EFHC2: variants seen among roughly 807,000 people sequenced by gnomAD.
EFHC2 encodes the protein EF-hand domain-containing family member C2.
Under a neutral mutation model 52.7 loss-of-function variants are expected in EFHC2, and 18 were observed. The ratio of observed to expected loss-of-function variants is 0.34; its 90% CI spans 0.24 to 0.51. The LOEUF (loss-of-function observed/expected upper bound fraction) is 0.51, where lower values mean the gene tolerates loss of function less well. Among genes scored for constraint, EFHC2 ranks in the 20% least tolerant of loss-of-function variants. The pLI is 0.97. For missense variants in EFHC2, 513 were observed against 562.5 expected (o/e 0.91, Z 0.89); for synonymous variants, 203 against 204.1 (o/e 0.99, Z 0.04).
At chrX:44,310,247 A>AGGGTCTCCTCTCAGCAGCGGCTC in intron 2 of EFHC2, 1 of 947,536 alleles carries the variant, frequency 1.1e-6, no homozygotes, top group Non-Finnish European at 1.5e-6. Context: ...CAAAGCGGCA[A>AGGGTCTCCTCTCAGCAGCGGCTC]GGGTTTCCTC....
intron 7 of EFHC2, 112 bp downstream of exon 7, chrX:44,248,160 A>G (rs902048026): frequency 3.1e-5 from 20 of 639,571 alleles, no homozygotes; most frequent in African/African-American, 2.7e-4. Context: ...CAAATGCACA[A>G]TAAGTGGTAG....
chrX:44,155,611 T>C (rs756018761), intron 14 of EFHC2, among the ~76,000 whole-genome samples: 213 of 112,102 alleles, frequency 1.9e-3, no homozygotes, highest in Non-Finnish European at 3.0e-3. Flanking sequence ...GATAGAGTCA[T>C]GTTGGTGATT....
intron 13 of EFHC2, among the ~76,000 whole-genome samples, chrX:44,165,872 T>C (rs959604703): frequency 5.4e-5 from 6 of 111,092 alleles, no homozygotes; most frequent in Non-Finnish European, 1.1e-4. Flanking sequence ...CTTATATTAA[T>C]TAAAGAGACC....
intron 2 of EFHC2, among the ~76,000 whole-genome samples, chrX:44,308,787 A>G (rs1280594050): frequency 8.9e-6 from 1 of 112,873 alleles, no homozygotes; most frequent in Non-Finnish European, 1.9e-5. Flanking sequence ...AGTCTACACA[A>G]GTTTAACTTA....
intron 2 of EFHC2, among the ~76,000 whole-genome samples, chrX:44,298,064 T>C (rs767453980): frequency 2.8e-4 from 31 of 109,823 alleles, no homozygotes; most frequent in Non-Finnish European, 4.6e-4. Context: ...TGGGACAACA[T>C]TGAAAAAAGA....
In EFHC2 at chrX:44,259,240, C is replaced by G. The variant is rs1198672333; in HGVS notation, c.606+1835G>C. Reference sequence around the variant, plus strand: ...TCATTAAAAAGGATGAGTTCATGTCCTTTGCAGGGACATGGATGAAGTTGG... The same window carrying G: ...TCATTAAAAAGGATGAGTTCATGTCGTTTGCAGGGACATGGATGAAGTTGG... On this transcript the variant is annotated intron_variant, in intron 4 of 14. Coordinates refer to ENST00000420999, the MANE Select transcript of EFHC2 (RefSeq NM_025184.4). Among the ~76,000 whole-genome samples, 4 of 111,859 alleles carry G rather than the reference C, an allele frequency of 3.6e-5. No individual in the cohort carries two copies. The Admixed American group carries it at 3.8e-4, about 11-fold the overall frequency.
chrX:44,205,943 C>T (rs890918683), intron 11 of EFHC2, among the ~76,000 whole-genome samples: 1 of 111,643 alleles, frequency 9.0e-6, no homozygotes, highest in Non-Finnish European at 1.9e-5. Context: ...CTCATCTGCA[C>T]ATGGAATAGT....
chrX:44,247,571 A>C (rs1211049443), intron 7 of EFHC2, among the ~76,000 whole-genome samples: 1 of 111,360 alleles, frequency 9.0e-6, no homozygotes, highest in African/African-American at 3.3e-5. Context: ...AGGGGAGTTT[A>C]ACAAATGAGG....
chrX:44,260,709 G>T (rs1196227587), intron 4 of EFHC2, among the ~76,000 whole-genome samples: 1 of 111,992 alleles, frequency 8.9e-6, no homozygotes, highest in African/African-American at 3.2e-5. Flanking sequence ...TTTCTAGCCA[G>T]AGTTAGACAA....
chrX:44,318,292 A>G, intron 1 of EFHC2, among the ~76,000 whole-genome samples: 1 of 112,001 alleles, frequency 8.9e-6, no homozygotes, highest in Non-Finnish European at 1.9e-5. Flanking sequence ...GCCACATATT[A>G]TATGATTCCA....
chrX:44,290,688 G>A (rs2037787047), intron 2 of EFHC2, among the ~76,000 whole-genome samples: 1 of 111,623 alleles, frequency 9.0e-6, no homozygotes, highest in Admixed American at 9.5e-5. Context: ...TAGGAAGGGA[G>A]CTGGAACCAT....
At chrX:44,312,041 A>G (rs756891795) in intron 2 of EFHC2, among the ~76,000 whole-genome samples, 2 of 112,480 alleles carry the variant, frequency 1.8e-5, no homozygotes, top group South Asian at 7.2e-4. Flanking sequence ...TGTGCCTGAT[A>G]AAAAAGAGCA....
rs185549821 is a variant in EFHC2, at chrX:44,205,591, C to A, written c.1751+24058G>T. ...CAGATAAAACCAACAACATTAAAAC[C>A]AACAACAACTTTAAACCAACGACAT... On this transcript the variant is annotated intron_variant, in intron 11 of 14. Coordinates refer to ENST00000420999, the MANE Select transcript of EFHC2 (RefSeq NM_025184.4). Among the ~76,000 whole-genome samples the A allele has an allele frequency of 7.2e-5, 8 of 110,612 alleles. No individual in the cohort carries two copies. In the East Asian group the frequency reaches 2.0e-3, roughly 28 times the overall value.
At chrX:44,163,692 G>A (rs993756913) in intron 14 of EFHC2, among the ~76,000 whole-genome samples, 1 of 111,291 alleles carries the variant, frequency 9.0e-6, no homozygotes, top group Non-Finnish European at 1.9e-5. Context: ...ATGCGATCGA[G>A]GTTAAAAAAA....
intron 4 of EFHC2, among the ~76,000 whole-genome samples, chrX:44,254,982 G>A (rs927705633): frequency 2.7e-5 from 3 of 111,831 alleles, no homozygotes; most frequent in Admixed American, 9.5e-5. Context: ...CATCCTTAAA[G>A]AAAAGAATTT....
intron 1 of EFHC2, among the ~76,000 whole-genome samples, chrX:44,321,862 T>G (rs751808880): frequency 1.3e-3 from 150 of 111,373 alleles, no homozygotes; most frequent in Non-Finnish European, 1.7e-3. Flanking sequence ...ACTCTTGAGT[T>G]TCTAGTATTT....
chrX:44,148,964 C>T (rs2036547705), intron 14 of EFHC2, 68 bp from the exon 15 acceptor site: 1 of 947,472 alleles, frequency 1.1e-6, no homozygotes, highest in South Asian at 2.2e-5. Context: ...AAATTCAACA[C>T]CAGTTTATTT....
chrX:44,171,369 T>C (rs2147274874), intron 13 of EFHC2, among the ~76,000 whole-genome samples: 1 of 111,918 alleles, frequency 8.9e-6, no homozygotes, highest in East Asian at 2.8e-4. Flanking sequence ...CAGCTGTATT[T>C]TGCTGAAGAG....
chrX:44,326,717 ATTTTTTTTTTTTTT>A (rs773265380), intron 1 of EFHC2, among the ~76,000 whole-genome samples: 1 of 45,046 alleles, frequency 2.2e-5, no homozygotes, highest in Non-Finnish European at 3.9e-5. Flanking sequence ...ATGGAGTCTG[ATTTTTTTTTTTTTT>A]TTTTTTTTTT....
Sources: gnomAD v4.1 joint callset for allele counts (sites outside exome capture counted in the v4.1 genomes callset) on GRCh38, gnomAD v4.1.1 for gene constraint, MANE v1.5 for transcripts, NCBI Gene and HGNC (gene_info 2026-07-23, HGNC 2026-07-21) for gene names.